DNAAF6: variants seen among roughly 807,000 people sequenced by gnomAD.
The protein encoded by DNAAF6 is dynein axonemal assembly factor 6, also known as PIH1 domain containing 3.
In DNAAF6, 3 loss-of-function variants were observed where a neutral mutation model predicts 13.7. The ratio of observed to expected loss-of-function variants is 0.22; its 90% CI spans 0.10 to 0.56. DNAAF6 has a LOEUF of 0.56. Among genes scored for constraint, DNAAF6 ranks in the 20% least tolerant of loss-of-function variants. DNAAF6 has a pLI of 0.92. For synonymous variants in DNAAF6, 54 were observed against 49.2 expected, an observed-to-expected ratio of 1.10 and a Z score of -0.41; for missense variants, 130 against 151.0, an observed-to-expected ratio of 0.86 and a Z score of 0.73.
chrX:107,219,445 G>T (rs1283320427), intron 4 of DNAAF6, among the ~76,000 whole-genome samples: 1 of 111,301 alleles, frequency 9.0e-6, no homozygotes, highest in Non-Finnish European at 1.9e-5. Context: ...ATTATATTTA[G>T]TGTTCAGTGT....
chrX:107,215,935 CTA>C (rs1453836119), intron 2 of DNAAF6, among the ~76,000 whole-genome samples: 1 of 111,334 alleles, frequency 9.0e-6, no homozygotes, highest in Non-Finnish European at 1.9e-5. Context: ...GGTGGTGTCG[CTA>C]TGTGTTATAC....
intron 5 of DNAAF6, 106 bp downstream of exon 5, chrX:107,222,947 T>C: frequency 2.0e-6 from 2 of 1,009,155 alleles, no homozygotes; most frequent in Non-Finnish European, 2.6e-6. Context: ...TCTTTAAAAA[T>C]CGTGGTTGCT....
At chrX:107,212,393 C>G (rs962326419) in intron 1 of DNAAF6, among the ~76,000 whole-genome samples, 7 of 111,187 alleles carry the variant, frequency 6.3e-5, no homozygotes, top group Admixed American at 3.9e-4. Context: ...TGTACCCCAC[C>G]TTCTATAGGC....
At chrX:107,226,049 G>A (rs950681266) in intron 5 of DNAAF6, among the ~76,000 whole-genome samples, 1 of 111,963 alleles carries the variant, frequency 8.9e-6, no homozygotes, top group Non-Finnish European at 1.9e-5. Context: ...CCTTGTTTAA[G>A]AAGGTACTAT....
chrX:107,236,628 T>C (rs145803010), intron 5 of DNAAF6, among the ~76,000 whole-genome samples: 3,930 of 111,808 alleles, frequency 0.035, 184 homozygotes, highest in African/African-American at 0.12. Context: ...AGAAGAAAAA[T>C]TAGTGAGTTG....
intron 2 of DNAAF6, 88 bp from the exon 3 acceptor site, chrX:107,216,582 TG>T: frequency 1.7e-6 from 1 of 605,083 alleles, no homozygotes; most frequent in Non-Finnish European, 2.4e-6. Flanking sequence ...AGTTTTTTTA[TG>T]GAAATCCTAT....
intron 5 of DNAAF6, among the ~76,000 whole-genome samples, chrX:107,226,428 G>T (rs1260511667): frequency 8.9e-6 from 1 of 111,816 alleles, no homozygotes; most frequent in Non-Finnish European, 1.9e-5. Flanking sequence ...GCTGACTACT[G>T]GTTATTGCCA....
rs35475398 is a variant in DNAAF6, at chrX:107,221,910, C to CATAATAATAATA, written c.333-811_333-800dup. 1.4e-3 allele frequency among the ~76,000 whole-genome samples: 135 copies of CATAATAATAATA among 98,381 alleles called. 2 individuals are homozygous for CATAATAATAATA. The highest frequency in any genetic ancestry group is 4.4e-3 in the African/African-American group (118 of 26,730). 85.4% of individuals were successfully genotyped at this position (98,381 alleles called of 115,157 possible). A position where few individuals can be genotyped will look rare whatever the true frequency, so the allele number is the denominator to read the frequency against. Reference sequence around the variant, plus strand: ...ATTTCTTCATTAAGGTAGCATTAAGCATAATAATAATAATAATAATAATAA... The same window carrying CATAATAATAATA: ...ATTTCTTCATTAAGGTAGCATTAAGCATAATAATAATAATAATAATAATAATAATAATAATAA... On this transcript the variant is annotated intron_variant, in intron 4 of 6. Transcript: ENST00000372453.
At chrX:107,235,956 A>G in intron 5 of DNAAF6, among the ~76,000 whole-genome samples, 1 of 98,488 alleles carries the variant, frequency 1.0e-5, no homozygotes, top group Non-Finnish European at 2.0e-5. Context: ...GCAAGACCCC[A>G]TCTCTACAAA....
rs111434461 is a variant in DNAAF6 at position 107,243,228 on chromosome X, T to A, written c.575T>A (p.Ile192Asn). Residue 192 changes from isoleucine to asparagine, a missense_variant, in exon 7 of 7, where the codon ATC becomes AAC. Ile to Asn is a moderately radical substitution (Grantham distance 149, BLOSUM62 -3). Coordinates refer to ENST00000372453, the MANE Select transcript of DNAAF6 (RefSeq NM_173494.2). ...TGTACCAGTGCCAAAGCATTCTATA[T>A]CCCAGAGACTGAAACTCTTGAAATC... The part of the protein sequence containing the change: ...VECTSAKAFY[I>N]PETETLEITM... 8.3e-7 allele frequency: 1 copy of A among 1,210,507 alleles called. No homozygotes were observed.
Position 107,243,613 on chromosome X carries a change from T to C in DNAAF6, c.*315T>C, listed in dbSNP as rs899949134. On this transcript the variant is annotated 3_prime_UTR_variant, in exon 7 of 7. Coordinates refer to ENST00000372453, the MANE Select transcript of DNAAF6 (RefSeq NM_173494.2). ...GGCGAAACCCTGTCTCTACTAAAAA[T>C]ACGAAAATTAGCCTGGCGTGGTGGC... The C allele has an allele frequency of 5.2e-5, 7 of 134,221 alleles. No homozygotes were observed. The highest frequency in any genetic ancestry group is 2.2e-4 in the African/African-American group (7 of 31,151). The allele number at this position is 134,221 out of a possible 1,213,427, so 11.1% of individuals were successfully genotyped here. A position where few individuals can be genotyped will look rare whatever the true frequency, so the allele number is the denominator to read the frequency against.
At position 107,222,786 on chromosome X, in the gene DNAAF6, T is replaced by C; in HGVS notation, c.374T>C (p.Ile125Thr). The part of the protein sequence containing the change: ...IFRQQVGTED[I>T]FLGLSKKDSS... ...AGACAGCAGGTGGGAACTGAAGATA[T>C]ATTTTTAGGGTTGTCAAAAAAGGAC... The change falls in exon 5 of 7, where the codon ATA becomes ACA. Residue 125 changes from isoleucine (I) to threonine (T), a missense_variant. Transcript: ENST00000372453. 8.3e-7 allele frequency: 1 copy of C among 1,208,303 alleles called. No individual in the cohort carries two copies. Among genetic ancestry groups the C allele is most frequent in the Non-Finnish European group, 1.1e-6 (1 of 893,983 alleles).
chrX:107,215,745 C>T (rs1177119520), intron 2 of DNAAF6, among the ~76,000 whole-genome samples: 1 of 111,498 alleles, frequency 9.0e-6, no homozygotes, highest in African/African-American at 3.2e-5. Flanking sequence ...GAGATGAGGA[C>T]AGGGGCCTGA....
chrX:107,238,909 T>C lies in DNAAF6; in HGVS notation c.430-13T>C, dbSNP rs1202549452. On this transcript the variant is annotated splice_polypyrimidine_tract_variant and intron_variant, in intron 5 of 6. Coordinates refer to ENST00000372453, the MANE Select transcript of DNAAF6 (RefSeq NM_173494.2). Reference sequence around the variant, plus strand: ...CAAGATATCACTATTTTTCTTCTCATTTTCTCTTTCAGGCTAAAATTAAAT... The same window carrying C: ...CAAGATATCACTATTTTTCTTCTCACTTTCTCTTTCAGGCTAAAATTAAAT... The C allele has an allele frequency of 8.3e-7, 1 of 1,205,665 alleles. No homozygotes were observed. The highest frequency in any genetic ancestry group is 2.3e-5 in the Admixed American group (1 of 44,293).
chrX:107,223,266 G>T (rs1285605322), intron 5 of DNAAF6, among the ~76,000 whole-genome samples: 3 of 111,321 alleles, frequency 2.7e-5, no homozygotes, highest in Admixed American at 9.6e-5. Flanking sequence ...TGTATTTCTC[G>T]TAATGACTCA....
intron 6 of DNAAF6, among the ~76,000 whole-genome samples, chrX:107,240,633 A>C (rs2147839067): frequency 8.9e-6 from 1 of 111,913 alleles, no homozygotes; most frequent in African/African-American, 3.2e-5. Context: ...AATTACCAAT[A>C]AAACCCAGGT....
intron 4 of DNAAF6, among the ~76,000 whole-genome samples, chrX:107,221,347 C>CTGT (rs1928136068): frequency 9.1e-6 from 1 of 110,085 alleles, no homozygotes; most frequent in Non-Finnish European, 1.9e-5. Flanking sequence ...CTCAACCTCC[C>CTGT]GGGCTCAAGC....
chrX:107,210,959 A>G (rs925792317), intron 1 of DNAAF6, among the ~76,000 whole-genome samples: 1 of 111,836 alleles, frequency 8.9e-6, no homozygotes, highest in African/African-American at 3.2e-5. Flanking sequence ...TGTATATCAC[A>G]TTTAGAAATA....
At chrX:107,222,135 A>G (rs1375972710) in intron 4 of DNAAF6, among the ~76,000 whole-genome samples, 2 of 110,736 alleles carry the variant, frequency 1.8e-5, no homozygotes, top group African/African-American at 6.6e-5. Flanking sequence ...TCTAAGCACT[A>G]TGGTGTAGCT....
Sources: gnomAD v4.1 joint callset for allele counts (sites outside exome capture counted in the v4.1 genomes callset) on GRCh38, gnomAD v4.1.1 for gene constraint, MANE v1.5 for transcripts, NCBI Gene and HGNC (gene_info 2026-07-23, HGNC 2026-07-21) for gene names.